Variants in SPOCD1 observed in about 807,000 individuals in gnomAD.
SPOCD1 encodes the protein SPOC domain-containing protein 1.
In SPOCD1, 64 loss-of-function variants were observed where a neutral mutation model predicts 92.2. That is an observed-to-expected ratio of 0.69 (90% CI 0.57 to 0.86). The LOEUF is 0.86. Ranked by LOEUF, SPOCD1 falls within the 40% of genes least tolerant of loss-of-function variation. The probability of loss-of-function intolerance (pLI) is 0.00; values close to 1 mark genes in which losing one functional copy is unlikely to be tolerated. For synonymous variants in SPOCD1, 578 were observed against 619.3 expected, an observed-to-expected ratio of 0.93 and a Z score of 0.99; for missense variants, 1,360 against 1,543.1, an observed-to-expected ratio of 0.88 and a Z score of 1.99.
intron 15 of SPOCD1, 168 bp downstream of exon 15, chr1:31,792,047 T>C: frequency 2.8e-6 from 2 of 705,378 alleles, no homozygotes; most frequent in South Asian, 1.9e-5. Context: ...ATGCAGTTCA[T>C]GATATCCAAG....
intron 7 of SPOCD1, 78 bp downstream of exon 7, chr1:31,799,323 A>T (rs1000021286): frequency 1.4e-5 from 18 of 1,313,826 alleles, no homozygotes; most frequent in Admixed American, 4.0e-5. Flanking sequence ...AAGCCCTTAG[A>T]ACATGGCAGG....
rs114240450 is a variant in SPOCD1, at chr1:31,807,484, T to C, written c.1384-5779A>G. 6.2e-3 allele frequency among the ~76,000 whole-genome samples: 852 copies of C among 138,472 alleles called. 4 individuals are homozygous for C. The highest frequency in any genetic ancestry group is 0.022 in the African/African-American group (809 of 37,040). 90.8% of individuals were successfully genotyped at this position (138,472 alleles called of 152,430 possible). ...AGATAGGTCAAAGAAAAATTGTAATTAAAAATGATAAAATATTGAGATTGA... is the reference window on the plus strand; with the variant it reads ...AGATAGGTCAAAGAAAAATTGTAATCAAAAATGATAAAATATTGAGATTGA... On this transcript the variant is annotated intron_variant, in intron 2 of 15. Coordinates refer to ENST00000360482, the MANE Select transcript of SPOCD1 (RefSeq NM_144569.7).
At chr1:31,805,304 A>AG (rs982246232) in intron 2 of SPOCD1, among the ~76,000 whole-genome samples, 7 of 152,088 alleles carry the variant, frequency 4.6e-5, no homozygotes, top group Admixed American at 1.3e-4. Context: ...TTCTAAGAGA[A>AG]CCACCAAAAA....
chr1:31,794,500 T>TA, intron 10 of SPOCD1: 2 of 100,678 alleles, frequency 2.0e-5, no homozygotes, highest in East Asian at 1.1e-4. Flanking sequence ...TTTTTTCTTT[T>TA]CTTTTTTTTT....
chr1:31,815,294 C>G lies in SPOCD1; in HGVS notation c.40G>C (p.Asp14His), dbSNP rs1203435212. The change falls in exon 2 of 16, where the codon GAC becomes CAC. Residue 14 changes from aspartate to histidine, a missense_variant. Physicochemically the swap from Asp to His is moderately conservative, Grantham distance 81. Coordinates refer to ENST00000360482, the MANE Select transcript of SPOCD1 (RefSeq NM_144569.7). ...TTGTGTTGGGGACTGAGCACAGGGT[C>G]TCCTGTGCTGGGGCCTTCTACGTCC... ...AGDVEGPSTG[D>H]PVLSPQHNCE... 1 of 1,578,730 alleles carries G rather than the reference C, an allele frequency of 6.3e-7. No homozygotes were observed. The highest frequency in any genetic ancestry group is 1.8e-5 in the Admixed American group (1 of 57,042).
At chr1:31,804,152 A>AT (rs1345400511) in intron 2 of SPOCD1, among the ~76,000 whole-genome samples, 3 of 152,270 alleles carry the variant, frequency 2.0e-5, no homozygotes, top group African/African-American at 4.8e-5. Context: ...ACTAGCACTT[A>AT]AAATGTGCTA....
chr1:31,799,588 C>G, intron 6 of SPOCD1, 103 bp from the exon 7 acceptor site: 1 of 1,154,380 alleles, frequency 8.7e-7, no homozygotes, highest in South Asian at 1.4e-5. Flanking sequence ...GGGGTCCCAC[C>G]CTCAAAGACC....
At position 31,814,627 on chromosome 1, in the gene SPOCD1, T is replaced by G. The variant is rs1244611537; in HGVS notation, c.707A>C (p.Asn236Thr). The G allele has an allele frequency of 6.5e-7, 1 of 1,532,850 alleles. No homozygotes were observed. Among genetic ancestry groups the G allele is most frequent in the African/African-American group, 1.4e-5 (1 of 72,200 alleles). 95.0% of individuals were successfully genotyped at this position (1,532,850 alleles called of 1,614,324 possible). Residue 236 changes from asparagine to threonine, a missense_variant, in exon 2 of 16, where the codon AAC becomes ACC. Transcript: ENST00000360482. The surrounding 1 kb of genome is among the most constrained non-coding windows in gnomAD (Gnocchi z 4.2). ...GGGAGGGTCTCCCACAGACAGGAGG[T>G]TGTCCCCACGAGGGCTCTGATCAAG... is the stretch of plus-strand genomic sequence containing the variant. ...LWLDQSPRGD[N>T]LLSVGDPPQV...
At chr1:31,799,949 C>G in intron 5 of SPOCD1, 67 bp downstream of exon 5, 1 of 1,612,486 alleles carries the variant, frequency 6.2e-7, no homozygotes, top group Non-Finnish European at 8.5e-7. Flanking sequence ...GTCACCTCCC[C>G]ACTCCCACGT....
chr1:31,809,040 T>C (rs2149116450), intron 2 of SPOCD1, among the ~76,000 whole-genome samples: 1 of 151,000 alleles, frequency 6.6e-6, no homozygotes, highest in East Asian at 2.0e-4. Context: ...AATACACAAA[T>C]TACCCGGGCA....
Position 31,796,635 on chromosome 1 carries a change from C to T in SPOCD1, c.2226G>A (p.Glu742=). Residue 742 remains glutamate (E), a synonymous_variant, in exon 10 of 16, where the codon GAG becomes GAA. Coordinates refer to ENST00000360482, the MANE Select transcript of SPOCD1 (RefSeq NM_144569.7). The part of the protein sequence containing the change: ...ASKMTHKGEV[E]IQRDMDQTLT... The stretch of plus-strand genomic sequence containing the variant: ...GTGTCTGGTCCATGTCCCGCTGAAT[C>T]TCCACTTCGCCCTTGTGGGTCATTT... The T allele has an allele frequency of 6.2e-7, 1 of 1,614,270 alleles. No homozygotes were observed.
intron 10 of SPOCD1, chr1:31,795,108 TCAGAAGC>T (rs746863843): frequency 9.9e-5 from 15 of 152,246 alleles, no homozygotes; most frequent in Non-Finnish European, 2.1e-4. Context: ...GGACAAGATT[TCAGAAGC>T]AGATGACAGA....
At position 31,799,419 on chromosome 1, in the gene SPOCD1, T is replaced by C; in HGVS notation, c.1850A>G (p.Gln617Arg). ...GVRGTVVRSM[Q>R]EVLWTRLREL... ...GCCTCACCGAGTCCATAGTACCTCC[T>C]GCATGGAACGGACAACAGTGCCCCG... The change falls in exon 7 of 16, where the codon CAG becomes CGG. Residue 617 changes from glutamine (Q) to arginine (R), a missense_variant. Gln to Arg is a conservative substitution (Grantham distance 43). Coordinates refer to ENST00000360482, the MANE Select transcript of SPOCD1 (RefSeq NM_144569.7). 1 of 1,610,762 alleles carries C rather than the reference T, an allele frequency of 6.2e-7. No individual in the cohort carries two copies. Among genetic ancestry groups the C allele is most frequent in the Non-Finnish European group, 8.5e-7 (1 of 1,178,746 alleles).
In SPOCD1 at chr1:31,798,639, G is replaced by C; in HGVS notation, c.1869-38C>G. The C allele has an allele frequency of 1.3e-6, 2 of 1,597,738 alleles. No homozygotes were observed. Among genetic ancestry groups the C allele is most frequent in the Non-Finnish European group, 1.7e-6 (2 of 1,173,458 alleles). ...GGGCAGGGCGGGGGCACTGAGCCCA[G>C]GAGGCTCTCCAGGCACTTAGTCCCA... On this transcript the variant is annotated intron_variant, in intron 7 of 15. Coordinates refer to ENST00000360482, the MANE Select transcript of SPOCD1 (RefSeq NM_144569.7). The surrounding 1 kb of genome is among the most constrained non-coding windows in gnomAD (Gnocchi z 4.1).
intron 3 of SPOCD1, 140 bp downstream of exon 3, chr1:31,801,524 G>A (rs1648463762): frequency 2.9e-6 from 2 of 690,126 alleles, no homozygotes; most frequent in Non-Finnish European, 5.2e-6. Context: ...ATTATAGAGG[G>A]AGGGGAGCAC....
intron 2 of SPOCD1, among the ~76,000 whole-genome samples, chr1:31,807,056 A>C (rs1382628489): frequency 6.6e-6 from 1 of 151,942 alleles, no homozygotes; most frequent in Non-Finnish European, 1.5e-5. Context: ...TTAGAAGGCA[A>C]TAAAGACAAA....
chr1:31,793,269 C>T lies in SPOCD1; in HGVS notation c.2685+9G>A, dbSNP rs1158710513. ...GTAAGGGAATCCCTGGCGAGGAGGG[C>T]AGGTGCACCTGGACAAGCCGACAGC... On this transcript the variant is annotated intron_variant, in intron 13 of 15. Transcript: ENST00000360482. 2 of 1,583,960 alleles carry T rather than the reference C, an allele frequency of 1.3e-6. No individual in the cohort carries two copies. The highest frequency in any genetic ancestry group is 1.3e-5 in the African/African-American group (1 of 74,510).
chr1:31,801,490 G>A (rs1648461466), intron 3 of SPOCD1, among the ~76,000 whole-genome samples, 174 bp downstream of exon 3: 1 of 152,148 alleles, frequency 6.6e-6, no homozygotes, highest in Non-Finnish European at 1.5e-5. Flanking sequence ...AGGTCTGCAG[G>A]AAACTAAAAG....
chr1:31,805,954 A>G (rs1490366875), intron 2 of SPOCD1, among the ~76,000 whole-genome samples: 3 of 152,176 alleles, frequency 2.0e-5, no homozygotes, highest in Non-Finnish European at 2.9e-5. Flanking sequence ...CAACCAAAAT[A>G]AAGCTTTGTA....
Sources: gnomAD v4.1 joint callset for allele counts (sites outside exome capture counted in the v4.1 genomes callset) on GRCh38, gnomAD v4.1.1 for gene constraint, Gnocchi (gnomAD v3.1) non-coding constraint, MANE v1.5 for transcripts, NCBI Gene and HGNC (gene_info 2026-07-23, HGNC 2026-07-21) for gene names.